Variants in COL21A1 observed in about 807,000 individuals in gnomAD.
The protein encoded by COL21A1 is collagen type XXI alpha 1 chain, also known as collagen alpha-1(XXI) chain.
In COL21A1, 149 loss-of-function variants were observed where a neutral mutation model predicts 137.9. That is an observed-to-expected ratio of 1.08 (90% CI 0.95 to 1.24). The LOEUF (loss-of-function observed/expected upper bound fraction) is 1.24, where lower values mean the gene tolerates loss of function less well. Ranked by LOEUF, COL21A1 falls within the 50% of genes most tolerant of loss-of-function variation. The pLI, the probability that COL21A1 is intolerant of heterozygous loss-of-function variation, is 0.00. For missense variants in COL21A1, 1,167 were observed against 1,158.4 expected (o/e 1.01, Z -0.11); for synonymous variants, 456 against 391.5 (o/e 1.16, Z -1.95).
At chr6:56,239,306 T>C (rs996721328) in intron 1 of COL21A1, among the ~76,000 whole-genome samples, 1 of 152,196 alleles carries the variant, frequency 6.6e-6, no homozygotes, top group African/African-American at 2.4e-5. Flanking sequence ...CTCTCACTTG[T>C]ATAGGAATTT....
intron 1 of COL21A1, among the ~76,000 whole-genome samples, chr6:56,296,592 G>T (rs1429682396): frequency 1.3e-5 from 2 of 151,878 alleles, no homozygotes; most frequent in African/African-American, 4.8e-5. Flanking sequence ...TTCACTCTGG[G>T]TTGTTAACAT....
intron 16 of COL21A1, among the ~76,000 whole-genome samples, chr6:56,105,968 T>C (rs1014823831): frequency 1.3e-5 from 2 of 152,218 alleles, no homozygotes; most frequent in African/African-American, 4.8e-5. Flanking sequence ...AATTCCAGTG[T>C]TGAGTAAACC....
chr6:56,367,474 G>A, intron 1 of COL21A1, among the ~76,000 whole-genome samples: 1 of 152,150 alleles, frequency 6.6e-6, no homozygotes, highest in East Asian at 1.9e-4. Flanking sequence ...AGAAACAAGA[G>A]AAAACACTCC....
rs1320485578 is a variant in COL21A1, at chr6:56,111,146, T to A, written c.1759-9621A>T. ...AGGACACTTGAACCCTCTGTTATCC[T>A]TTTCCAAAAAAAAAAAAAACTATAA... is the stretch of plus-strand genomic sequence containing the variant. On this transcript the variant is annotated intron_variant, in intron 16 of 29. Coordinates refer to ENST00000244728, the MANE Select transcript of COL21A1 (RefSeq NM_030820.4). 8.4e-5 allele frequency among the ~76,000 whole-genome samples: 7 copies of A among 83,824 alleles called. No individual in the cohort carries two copies. The East Asian group carries it at 2.9e-3, about 35-fold the overall frequency. 55.0% of individuals were successfully genotyped at this position (83,824 alleles called of 152,430 possible).
chr6:56,378,873 A>C (rs2094004260), intron 1 of COL21A1, among the ~76,000 whole-genome samples: 1 of 152,212 alleles, frequency 6.6e-6, no homozygotes, highest in Non-Finnish European at 1.5e-5. Context: ...CAGGTGGCTC[A>C]GAACACAGAA....
chr6:56,208,345 A>C (rs777186354), intron 1 of COL21A1, among the ~76,000 whole-genome samples: 1 of 152,236 alleles, frequency 6.6e-6, no homozygotes, highest in Non-Finnish European at 1.5e-5. Context: ...TACAAAATCT[A>C]TGTGTAAAAA....
Position 56,172,717 on chromosome 6 carries a change from CTT to C in COL21A1, c.641-1591_641-1590del, listed in dbSNP as rs553401294. 2.4e-3 allele frequency among the ~76,000 whole-genome samples: 366 copies of C among 152,088 alleles called. 1 individual carries two copies. Among genetic ancestry groups the C allele is most frequent in the African/African-American group, 8.6e-3 (358 of 41,500 alleles). ...ACAAAAGCATTTTTAAAAACTGTAA[CTT>C]TAAAAATATGTTAACAGATATAAAA... is the stretch of plus-strand genomic sequence containing the variant. On this transcript the variant is annotated intron_variant, in intron 3 of 29. Coordinates refer to ENST00000244728, the MANE Select transcript of COL21A1 (RefSeq NM_030820.4).
chr6:56,353,258 C>T (rs1765754187), intron 1 of COL21A1, among the ~76,000 whole-genome samples: 1 of 152,132 alleles, frequency 6.6e-6, no homozygotes, highest in Non-Finnish European at 1.5e-5. Context: ...GAGGCCATTC[C>T]TACAGCTTCT....
chr6:56,200,799 A>C (rs1779342400), intron 1 of COL21A1, among the ~76,000 whole-genome samples: 1 of 152,136 alleles, frequency 6.6e-6, no homozygotes, highest in African/African-American at 2.4e-5. Context: ...CATGATTTAT[A>C]ATCCTTTGGG....
At chr6:56,337,345 G>C (rs989666805) in intron 1 of COL21A1, among the ~76,000 whole-genome samples, 1 of 152,194 alleles carries the variant, frequency 6.6e-6, no homozygotes, top group Non-Finnish European at 1.5e-5. Context: ...ACTCTGCAAG[G>C]CTGGAGAATG....
intron 16 of COL21A1, among the ~76,000 whole-genome samples, chr6:56,114,203 G>T (rs1374866066): frequency 6.6e-6 from 1 of 152,154 alleles, no homozygotes; most frequent in Non-Finnish European, 1.5e-5. Flanking sequence ...AGGGTCATAG[G>T]GCCTTGAACG....
At chr6:56,308,805 C>T (rs745711085) in intron 1 of COL21A1, among the ~76,000 whole-genome samples, 6 of 152,144 alleles carry the variant, frequency 3.9e-5, no homozygotes, top group Non-Finnish European at 8.8e-5. Flanking sequence ...TGCTCAGTAG[C>T]CTCATGTGGC....
chr6:56,267,084 G>A (rs1337869865), intron 1 of COL21A1, among the ~76,000 whole-genome samples: 4 of 152,152 alleles, frequency 2.6e-5, no homozygotes, highest in African/African-American at 9.7e-5. Context: ...CTATATGGCA[G>A]ACATTCACCA....
At chr6:56,274,201 T>C (rs1385846965) in intron 1 of COL21A1, among the ~76,000 whole-genome samples, 1 of 152,170 alleles carries the variant, frequency 6.6e-6, no homozygotes, top group Non-Finnish European at 1.5e-5. Context: ...AGAGTAGGCA[T>C]TGAAGTAACT....
At chr6:56,290,018 C>T (rs1388131017) in intron 1 of COL21A1, among the ~76,000 whole-genome samples, 1 of 152,096 alleles carries the variant, frequency 6.6e-6, no homozygotes, top group African/African-American at 2.4e-5. Context: ...CTAATCCAGC[C>T]CTCTGCCACT....
At chr6:56,161,228 T>C (rs1776175355) in intron 9 of COL21A1, among the ~76,000 whole-genome samples, 1 of 152,068 alleles carries the variant, frequency 6.6e-6, no homozygotes, top group Non-Finnish European at 1.5e-5. Flanking sequence ...AGCAAAGAAG[T>C]TATTAAAAAA....
intron 1 of COL21A1, among the ~76,000 whole-genome samples, chr6:56,376,645 AG>A (rs899789887): frequency 4.1e-5 from 4 of 98,138 alleles, no homozygotes; most frequent in African/African-American, 1.6e-4. Flanking sequence ...TTTTAGAGAT[AG>A]GGGAGAAGTC....
intron 1 of COL21A1, among the ~76,000 whole-genome samples, chr6:56,240,470 A>T (rs1782225135): frequency 6.6e-6 from 1 of 152,216 alleles, no homozygotes; most frequent in African/African-American, 2.4e-5. Context: ...GTATTTTGTT[A>T]TAGCAGCATA....
chr6:56,116,078 G>A (rs999374050), intron 16 of COL21A1, among the ~76,000 whole-genome samples: 36 of 152,024 alleles, frequency 2.4e-4, no homozygotes, highest in African/African-American at 8.5e-4. Context: ...AGATGAGGTA[G>A]AGAAAGAGAT....
Sources: gnomAD v4.1 joint callset for allele counts (sites outside exome capture counted in the v4.1 genomes callset) on GRCh38, gnomAD v4.1.1 for gene constraint, MANE v1.5 for transcripts, NCBI Gene and HGNC (gene_info 2026-07-23, HGNC 2026-07-21) for gene names.